Variants in GRM7 observed in about 807,000 individuals in gnomAD.
The protein encoded by GRM7 is glutamate metabotropic receptor 7, also known as metabotropic glutamate receptor 7.
In GRM7, 35 loss-of-function variants were observed where a neutral mutation model predicts 84.5. That is an observed-to-expected ratio of 0.41 (90% CI 0.32 to 0.55). The LOEUF (loss-of-function observed/expected upper bound fraction) is 0.55. Ranked by LOEUF, GRM7 falls within the 20% of genes least tolerant of loss-of-function variation. The probability of loss-of-function intolerance (pLI) is 0.19; values close to 1 mark genes in which losing one functional copy is unlikely to be tolerated. For synonymous variants in GRM7, 487 were observed against 455.1 expected (o/e 1.07, Z -0.89); for missense variants, 1,003 against 1,194.6 (o/e 0.84, Z 2.36).
chr3:7,693,828 C>T (rs1700908943), intron 9 of GRM7: 4 of 545,032 alleles, frequency 7.3e-6, no homozygotes, highest in Non-Finnish European at 1.3e-5. Flanking sequence ...ATGCCAGCAA[C>T]ATCCTCTTAA....
At chr3:7,075,149 C>G (rs1352969572) in intron 1 of GRM7, among the ~76,000 whole-genome samples, 2 of 152,158 alleles carry the variant, frequency 1.3e-5, no homozygotes, top group Non-Finnish European at 2.9e-5. Flanking sequence ...GTCCTGGAGT[C>G]TGTATGGACT....
At position 7,477,803 on chromosome 3, in the gene GRM7, C is replaced by CT. The variant is rs534240226; in HGVS notation, c.1515+16082dup. Among the ~76,000 whole-genome samples, 559 of 152,250 alleles carry CT rather than the reference C, an allele frequency of 3.7e-3. 4 individuals carry two copies. Among genetic ancestry groups the CT allele is most frequent in the African/African-American group, 0.013 (533 of 41,534 alleles). ...CCCTCTCTCCTTGTGAAGCCTGTAT[C>CT]TCCAGTTAAAAAGTAAAATCACACA... is the stretch of plus-strand genomic sequence containing the variant. On this transcript the variant is annotated intron_variant, in intron 7 of 9. Transcript: ENST00000357716.
At chr3:7,514,150 G>T (rs1559372404) in intron 7 of GRM7, among the ~76,000 whole-genome samples, 1 of 152,188 alleles carries the variant, frequency 6.6e-6, no homozygotes, top group Non-Finnish European at 1.5e-5. Context: ...CTCAGACATT[G>T]ACTACTAGTA....
intron 4 of GRM7, among the ~76,000 whole-genome samples, chr3:7,321,959 G>A (rs2125054309): frequency 6.6e-6 from 1 of 152,122 alleles, no homozygotes; most frequent in South Asian, 2.1e-4. Flanking sequence ...AGTGTGAATG[G>A]CCTCTGGCAA....
intron 1 of GRM7, among the ~76,000 whole-genome samples, chr3:7,047,977 C>T (rs1024929472): frequency 7.2e-5 from 11 of 151,888 alleles, no homozygotes; most frequent in African/African-American, 2.7e-4. Flanking sequence ...TAGGTATTGA[C>T]AATGTGAAGA....
chr3:7,489,770 C>T (rs6770413), intron 7 of GRM7, among the ~76,000 whole-genome samples: 14,802 of 151,868 alleles, frequency 0.097, 1,125 homozygotes, highest in African/African-American at 0.21. Context: ...GAGGTCACAG[C>T]TTTCTTAAAT....
chr3:6,881,509 A>G (rs1483384354), intron 1 of GRM7, among the ~76,000 whole-genome samples: 1 of 152,158 alleles, frequency 6.6e-6, no homozygotes, highest in Non-Finnish European at 1.5e-5. Flanking sequence ...CATGGTTTAT[A>G]TGTACCACAT....
chr3:7,397,478 T>G (rs1695258967), intron 4 of GRM7, among the ~76,000 whole-genome samples: 1 of 152,164 alleles, frequency 6.6e-6, no homozygotes, highest in South Asian at 2.1e-4. Context: ...GAATAAGACC[T>G]AATATTCAGT....
chr3:7,735,564 C>G (rs1702474899), intron 9 of GRM7, among the ~76,000 whole-genome samples: 1 of 152,138 alleles, frequency 6.6e-6, no homozygotes, highest in African/African-American at 2.4e-5. Context: ...ACACATAATA[C>G]ATGCTCAATA....
intron 8 of GRM7, among the ~76,000 whole-genome samples, chr3:7,639,625 T>G (rs1431649702): frequency 6.6e-6 from 1 of 152,126 alleles, no homozygotes; most frequent in African/African-American, 2.4e-5. Flanking sequence ...TCCTTTAAAC[T>G]CCTACTACCT....
rs1052398735 is a variant in GRM7 at position 7,151,356 on chromosome 3, G to A, written c.736+4688G>A. On this transcript the variant is annotated intron_variant, in intron 2 of 9. Transcript: ENST00000357716. The surrounding 1 kb of genome is among the most constrained non-coding windows in gnomAD (Gnocchi z 4.5). ...CAGGAGGCGGAGGTTGCAGTGAGCC[G>A]AGATTGCACCACTGCACTTTAGCCT... is the stretch of plus-strand genomic sequence containing the variant. Among the ~76,000 whole-genome samples the A allele has an allele frequency of 7.2e-5, 11 of 152,178 alleles. No homozygotes were observed. Among genetic ancestry groups the A allele is most frequent in the South Asian group, 2.1e-4 (1 of 4,820 alleles).
rs188281847 is a variant in GRM7, at chr3:6,989,019, T to C, written c.519+127112T>C. Among the ~76,000 whole-genome samples the C allele has an allele frequency of 2.5e-3, 380 of 152,298 alleles. 4 individuals are homozygous for C. The highest frequency in any genetic ancestry group is 8.5e-3 in the African/African-American group (353 of 41,586). On this transcript the variant is annotated intron_variant, in intron 1 of 9. Transcript: ENST00000357716. The stretch of plus-strand genomic sequence containing the variant: ...TTGGTCAAACAAAATCAGTTTTCTT[T>C]AGGGTAGGATTTCTTAAATCTTTCA...
chr3:7,719,336 C>A (rs1408479152), intron 9 of GRM7, among the ~76,000 whole-genome samples: 4 of 152,148 alleles, frequency 2.6e-5, no homozygotes, highest in African/African-American at 9.7e-5. Context: ...GATCTACTAT[C>A]TAATTGTGCC....
intron 1 of GRM7, among the ~76,000 whole-genome samples, chr3:7,004,592 C>T (rs570960817): frequency 6.5e-4 from 99 of 152,160 alleles, no homozygotes; most frequent in Middle Eastern, 6.8e-3. Flanking sequence ...TCTTGATAAA[C>T]ATCTTTAACG....
intron 4 of GRM7, among the ~76,000 whole-genome samples, chr3:7,365,647 G>GTATATATATATATATATATATATATA (rs755999982): frequency 1.5e-5 from 2 of 130,054 alleles, no homozygotes; most frequent in South Asian, 4.8e-4. Flanking sequence ...GTGCGTGTGT[G>GTATATATATATATATATATATATATA]TATATATATA....
intron 1 of GRM7, among the ~76,000 whole-genome samples, chr3:7,068,311 C>T (rs567639699): frequency 1.3e-5 from 2 of 152,112 alleles, no homozygotes; most frequent in East Asian, 3.9e-4. Context: ...AATTAACTCA[C>T]ATGTTATTTA....
At chr3:7,589,659 A>G (rs1158942841) in intron 8 of GRM7, among the ~76,000 whole-genome samples, 2 of 152,198 alleles carry the variant, frequency 1.3e-5, no homozygotes, top group African/African-American at 4.8e-5. Flanking sequence ...GTTTTAGATC[A>G]TAATGAAGGG....
intron 4 of GRM7, among the ~76,000 whole-genome samples, chr3:7,382,133 A>T (rs1000317166): frequency 2.0e-5 from 3 of 152,190 alleles, no homozygotes; most frequent in African/African-American, 7.2e-5. Flanking sequence ...TCTAAAAAAA[A>T]TTCTGCTTAC....
At chr3:7,274,112 A>G (rs567200098) in intron 2 of GRM7, among the ~76,000 whole-genome samples, 1 of 152,098 alleles carries the variant, frequency 6.6e-6, no homozygotes, top group African/African-American at 2.4e-5. Flanking sequence ...TTCAAATAAC[A>G]CTATTACTAT....
Sources: allele counts gnomAD v4.1 joint callset (sites outside exome capture counted in the v4.1 genomes callset), GRCh38; gene constraint gnomAD v4.1.1; non-coding constraint Gnocchi (gnomAD v3.1); transcripts MANE v1.5; gene names NCBI Gene and HGNC (gene_info 2026-07-23, HGNC 2026-07-21).